TELO2: variants seen among roughly 807,000 people sequenced by gnomAD.
TELO2 encodes telomere maintenance 2.
A neutral mutation model predicts 91.0 loss-of-function variants in TELO2; 71 were observed. That is an observed-to-expected ratio of 0.78 (90% CI 0.64 to 0.95). The LOEUF (loss-of-function observed/expected upper bound fraction) is 0.95. Among genes scored for constraint, TELO2 ranks in the 40% least tolerant of loss-of-function variants. The pLI is 0.00. For missense variants in TELO2, 1,183 were observed against 1,141.3 expected (o/e 1.04, Z -0.53); for synonymous variants, 584 against 518.9 (o/e 1.13, Z -1.71).
Position 1,494,431 on chromosome 16 carries a change from G to A in TELO2, c.150G>A (p.Glu50=). ...GEMEPPALPR[E]KEEFASAHFS... The stretch of plus-strand genomic sequence containing the variant: ...TGGAGCCTCCAGCGCTCCCGAGGGA[G>A]AAGGAGGAGTTTGCCTCGGCCCACT... Residue 50 remains glutamate (E), a synonymous_variant, in exon 2 of 21, where the codon GAG becomes GAA. Coordinates refer to ENST00000262319, the MANE Select transcript of TELO2 (RefSeq NM_016111.4). This position sits in a 1 kb window ranked among gnomAD's most constrained non-coding sequence, Gnocchi z 5.6. The A allele has an allele frequency of 6.2e-7, 1 of 1,613,560 alleles. No homozygotes were observed. The highest frequency in any genetic ancestry group is 8.5e-7 in the Non-Finnish European group (1 of 1,180,010).
At chr16:1,506,480 G>T in intron 17 of TELO2, 151 bp downstream of exon 17, 1 of 1,498,652 alleles carries the variant, frequency 6.7e-7, no homozygotes, top group Non-Finnish European at 8.9e-7. Flanking sequence ...GTGTTAAATG[G>T]CAGGGAGCGT....
rs771811424 is a variant in TELO2 at position 1,495,395 on chromosome 16, C to T, written c.385C>T (p.Arg129Cys). 2.4e-5 allele frequency: 38 copies of T among 1,576,700 alleles called. No homozygotes were observed. Among genetic ancestry groups the T allele is most frequent in the Admixed American group, 5.5e-5 (3 of 54,502 alleles). Residue 129 changes from arginine to cysteine, a missense_variant, in exon 3 of 21, where the codon CGC becomes TGC. Coordinates refer to ENST00000262319, the MANE Select transcript of TELO2 (RefSeq NM_016111.4). ...KMARLLARFLREGRLAVLMEA... is the reference protein window; with the variant it reads ...KMARLLARFLCEGRLAVLMEA... ...GGCGCGGCTGCTGGCCAGATTCCTG[C>T]GCGAGGGCCGGCTGGCAGTGCTGAT...
At chr16:1,496,603 GC>G (rs1319305218) in intron 3 of TELO2, among the ~76,000 whole-genome samples, 2 of 152,178 alleles carry the variant, frequency 1.3e-5, no homozygotes, top group Admixed American at 1.3e-4. Flanking sequence ...GTACAGCCCG[GC>G]CCCTCCCGGT....
chr16:1,501,935 G>C, intron 11 of TELO2, 112 bp from the exon 12 acceptor site: 1 of 1,514,290 alleles, frequency 6.6e-7, no homozygotes, highest in Non-Finnish European at 9.1e-7. Context: ...CGTAGGCGCA[G>C]GGGCCGAGGC....
At position 1,503,010 on chromosome 16, in the gene TELO2, C is replaced by T; in HGVS notation, c.1842+8C>T. On this transcript the variant is annotated splice_region_variant and intron_variant, in intron 15 of 20. Coordinates refer to ENST00000262319, the MANE Select transcript of TELO2 (RefSeq NM_016111.4). ...CGCATGGACATCCTGGATGTAAGTG[C>T]CTCCTGGGCCTCAGTCCCCCTGGTC... 5 of 1,609,068 alleles carry T rather than the reference C, an allele frequency of 3.1e-6. No individual in the cohort carries two copies. Among genetic ancestry groups the T allele is most frequent in the Non-Finnish European group, 4.2e-6 (5 of 1,179,930 alleles).
intron 15 of TELO2, among the ~76,000 whole-genome samples, chr16:1,504,371 TTGTGGTGAGTCAAGA>T (rs1425608162): frequency 1.5e-5 from 2 of 131,302 alleles, no homozygotes; most frequent in Non-Finnish European, 3.1e-5. Flanking sequence ...GAGGCGGAGG[TTGTGGTGAGTCAAGA>T]TGGCGCCACT....
At chr16:1,507,212 C>G in intron 18 of TELO2, 94 bp from the exon 19 acceptor site, 1 of 1,533,260 alleles carries the variant, frequency 6.5e-7, no homozygotes, top group South Asian at 1.1e-5. Context: ...CAGGCCCTGT[C>G]CCTGCTGCTG....
rs1596272091 is a variant in TELO2, at chr16:1,507,674, G to A, written c.2365G>A (p.Asp789Asn). The A allele has an allele frequency of 6.2e-7, 1 of 1,603,992 alleles. No individual in the cohort carries two copies. The highest frequency in any genetic ancestry group is 8.5e-7 in the Non-Finnish European group (1 of 1,179,724). Residue 789 changes from aspartate to asparagine, a missense_variant, in exon 20 of 21, where the codon GAC becomes AAC. By Grantham distance (23) the Asp-to-Asn change is conservative. Coordinates refer to ENST00000262319, the MANE Select transcript of TELO2 (RefSeq NM_016111.4). The stretch of plus-strand genomic sequence containing the variant: ...CCTGCCTGCTGCGCGCCTGCTGGAG[G>A]ACCTGATGGACGAGCTGCTGGAAGC... ...LSLPAARLLE[D>N]LMDELLEARS...
rs1450886059 is a variant in TELO2, at chr16:1,499,276, C to T, written c.876C>T (p.Asn292=). The change falls in exon 6 of 21, where the codon AAC becomes AAT. Residue 292 remains asparagine, a synonymous_variant. Coordinates refer to ENST00000262319, the MANE Select transcript of TELO2 (RefSeq NM_016111.4). The stretch of plus-strand genomic sequence containing the variant: ...TGCTGGGGAACCTGGTGGTGAAGAA[C>T]AAGAAGGCCCAGTTTGTGATGACCC... ...SRLLGNLVVK[N]KKAQFVMTQK... The T allele has an allele frequency of 6.2e-7, 1 of 1,614,064 alleles. No homozygotes were observed. Among genetic ancestry groups the T allele is most frequent in the Admixed American group, 1.7e-5 (1 of 60,022 alleles).
chr16:1,505,732 A>G lies in TELO2; in HGVS notation c.2034+131A>G. 8.2e-7 allele frequency: 1 copy of G among 1,214,824 alleles called. No homozygotes were observed. Among genetic ancestry groups the G allele is most frequent in the South Asian group, 1.5e-5 (1 of 66,454 alleles). 75.3% of individuals were successfully genotyped at this position (1,214,824 alleles called of 1,614,324 possible). ...CGCTGGGGATGGTGCCTTTGCCGGGATTCCTGAAAGGCAGGGTCCATGGTT... is the reference window on the plus strand; with the variant it reads ...CGCTGGGGATGGTGCCTTTGCCGGGGTTCCTGAAAGGCAGGGTCCATGGTT... On this transcript the variant is annotated intron_variant, in intron 16 of 20. Coordinates refer to ENST00000262319, the MANE Select transcript of TELO2 (RefSeq NM_016111.4). The surrounding 1 kb of genome is among the most constrained non-coding windows in gnomAD (Gnocchi z 4.3).
In TELO2 at chr16:1,510,236, G is replaced by T; in HGVS notation, c.*300G>T. ...GAGGGCAGAACCAGGCTGGCAGGAGGGGAGGACGGTGTACCTGCTGCTCAG... is the reference window on the plus strand; with the variant it reads ...GAGGGCAGAACCAGGCTGGCAGGAGTGGAGGACGGTGTACCTGCTGCTCAG... On this transcript the variant is annotated 3_prime_UTR_variant, in exon 21 of 21. Coordinates refer to ENST00000262319, the MANE Select transcript of TELO2 (RefSeq NM_016111.4). The T allele has an allele frequency of 2.4e-6, 1 of 420,064 alleles. No individual in the cohort carries two copies. Among genetic ancestry groups the T allele is most frequent in the Non-Finnish European group, 4.4e-6 (1 of 224,908 alleles). 26.0% of individuals were successfully genotyped at this position (420,064 alleles called of 1,614,324 possible).
At chr16:1,501,801 G>A (rs754245888) in intron 11 of TELO2, 28 bp downstream of exon 11, 1 of 1,593,840 alleles carries the variant, frequency 6.3e-7, no homozygotes, top group East Asian at 2.2e-5. Flanking sequence ...CCAGTGGGCA[G>A]CGTGCAGGAG....
chr16:1,505,415 G>A lies in TELO2; in HGVS notation c.1848G>A (p.Leu616=). 1 of 1,609,422 alleles carries A rather than the reference G, an allele frequency of 6.2e-7. No homozygotes were observed. The highest frequency in any genetic ancestry group is 1.3e-5 in the African/African-American group (1 of 74,962). ...LRQRMDILDV[L]TLAAQELSRP... Reference sequence around the variant, plus strand: ...CTGGGCCTGTCTCCCTCCAGGTGCTGACTCTGGCTGCCCAGGAGCTGTCTA... The same window carrying A: ...CTGGGCCTGTCTCCCTCCAGGTGCTAACTCTGGCTGCCCAGGAGCTGTCTA... Residue 616 remains leucine, a synonymous_variant, in exon 16 of 21, where the codon CTG becomes CTA. Transcript: ENST00000262319. This position sits in a 1 kb window ranked among gnomAD's most constrained non-coding sequence, Gnocchi z 4.3.
Position 1,501,686 on chromosome 16 carries a change from C to T in TELO2, c.1385C>T (p.Ala462Val). ...EAGTSLVPAT[A>V]EPPAETPAEI... Reference sequence around the variant, plus strand: ...AGCACGTCCCTCGTTCCAGCCACGGCAGAGCCCCCTGCAGAGACCCCCGCA... The same window carrying T: ...AGCACGTCCCTCGTTCCAGCCACGGTAGAGCCCCCTGCAGAGACCCCCGCA... Residue 462 changes from alanine (A) to valine (V), a missense_variant, in exon 11 of 21, where the codon GCA becomes GTA. Coordinates refer to ENST00000262319, the MANE Select transcript of TELO2 (RefSeq NM_016111.4). 6.2e-7 allele frequency: 1 copy of T among 1,610,942 alleles called. No individual in the cohort carries two copies. The highest frequency in any genetic ancestry group is 8.5e-7 in the Non-Finnish European group (1 of 1,178,966).
chr16:1,505,294 C>T lies in TELO2; in HGVS notation c.1843-116C>T, dbSNP rs2039848278. ...TTTTCTCCTTGTTCCCAGAACACAC[C>T]TTCTCCCAGGCTGGGCGGGCCCCCG... On this transcript the variant is annotated intron_variant, in intron 15 of 20. Coordinates refer to ENST00000262319, the MANE Select transcript of TELO2 (RefSeq NM_016111.4). The surrounding 1 kb of genome is among the most constrained non-coding windows in gnomAD (Gnocchi z 4.3). The T allele has an allele frequency of 8.0e-7, 1 of 1,248,612 alleles. No homozygotes were observed. Among genetic ancestry groups the T allele is most frequent in the Non-Finnish European group, 1.1e-6 (1 of 911,350 alleles). 77.3% of individuals were successfully genotyped at this position (1,248,612 alleles called of 1,614,324 possible). A position where few individuals can be genotyped will look rare whatever the true frequency, so the allele number is the denominator to read the frequency against.
At position 1,499,191 on chromosome 16, in the gene TELO2, A is replaced by T. The variant is rs201883234; in HGVS notation, c.831-40A>T. 5.7e-4 allele frequency: 921 copies of T among 1,606,858 alleles called. 4 individuals carry two copies. In the African/African-American group the frequency reaches 0.011, roughly 20 times the overall value. On this transcript the variant is annotated intron_variant, in intron 5 of 20. Coordinates refer to ENST00000262319, the MANE Select transcript of TELO2 (RefSeq NM_016111.4). ...CACGCTCTCGCTCCTCCCTGTCTCC[A>T]GGCCGGCTTGCAGCTCTGGCCCCTG...
intron 15 of TELO2, among the ~76,000 whole-genome samples, chr16:1,503,513 G>T (rs1010627548): frequency 6.6e-6 from 1 of 152,168 alleles, no homozygotes; most frequent in African/African-American, 2.4e-5. Flanking sequence ...TTGCACCACC[G>T]CACTCCCGTG....
chr16:1,504,330 A>G (rs1190403329), intron 15 of TELO2, among the ~76,000 whole-genome samples: 7 of 139,382 alleles, frequency 5.0e-5, no homozygotes, highest in African/African-American at 5.3e-5. Context: ...GTTACGTGGG[A>G]GGCTGAGGCA....
intron 15 of TELO2, among the ~76,000 whole-genome samples, chr16:1,504,549 G>GT (rs1567303563): frequency 2.0e-4 from 28 of 140,248 alleles, no homozygotes; most frequent in African/African-American, 7.3e-4. Context: ...ACCGTAACTG[G>GT]TCTTTTTTTT....
Sources: allele counts gnomAD v4.1 joint callset (sites outside exome capture counted in the v4.1 genomes callset), GRCh38; gene constraint gnomAD v4.1.1; non-coding constraint Gnocchi (gnomAD v3.1); transcripts MANE v1.5; gene names NCBI Gene and HGNC (gene_info 2026-07-23, HGNC 2026-07-21).